The following RPH3AL variants were observed in gnomAD, a reference collection of about 807,000 sequenced individuals.
RPH3AL encodes rabphilin 3A like (without C2 domains), also known as rab effector Noc2.
In RPH3AL, 38 loss-of-function variants were observed where a neutral mutation model predicts 43.1. That is an observed-to-expected ratio of 0.88 (90% CI 0.68 to 1.15). RPH3AL has a LOEUF of 1.15. Ranked by LOEUF, RPH3AL falls within the 50% of genes most tolerant of loss-of-function variation. The pLI, the probability that RPH3AL is intolerant of heterozygous loss-of-function variation, is 0.00. For missense variants in RPH3AL, 462 were observed against 423.2 expected (o/e 1.09, Z -0.81); for synonymous variants, 189 against 176.3 (o/e 1.07, Z -0.57).
intron 6 of RPH3AL, among the ~76,000 whole-genome samples, chr17:281,195 G>T (rs987235716): frequency 2.0e-5 from 3 of 152,142 alleles, no homozygotes; most frequent in African/African-American, 7.2e-5. Context: ...CAGCAGAAGG[G>T]GCGTTGGGTG....
intron 1 of RPH3AL, among the ~76,000 whole-genome samples, chr17:343,618 G>C (rs1453204275): frequency 6.6e-6 from 1 of 152,178 alleles, no homozygotes; most frequent in Non-Finnish European, 1.5e-5. Context: ...GCCTCCTGGG[G>C]CTATTGGGAA....
intron 5 of RPH3AL, among the ~76,000 whole-genome samples, chr17:316,525 T>C (rs2044205953): frequency 6.8e-6 from 1 of 147,892 alleles, no homozygotes; most frequent in African/African-American, 2.5e-5. Context: ...TCCAGTGACC[T>C]GTAGTCCCTG....
rs962725233 is a variant in RPH3AL at position 246,349 on chromosome 17, A to C, written c.613+762T>G. 6.6e-6 allele frequency among the ~76,000 whole-genome samples: 1 copy of C among 152,100 alleles called. No individual in the cohort carries two copies. Among genetic ancestry groups the C allele is most frequent in the Non-Finnish European group, 1.5e-5 (1 of 68,004 alleles). On this transcript the variant is annotated intron_variant, in intron 7 of 9. Transcript: ENST00000331302. This position sits in a 1 kb window ranked among gnomAD's most constrained non-coding sequence, Gnocchi z 4.8. ...TATTTGGCAGAAACGTGAGCACTTCAGAGCAAAAGGACCCAGATGCCAGAG... is the reference window on the plus strand; with the variant it reads ...TATTTGGCAGAAACGTGAGCACTTCCGAGCAAAAGGACCCAGATGCCAGAG...
chr17:341,553 A>C (rs181087190), intron 1 of RPH3AL: 1 of 152,344 alleles, frequency 6.6e-6, no homozygotes, highest in South Asian at 2.1e-4. Flanking sequence ...AATTCGTATA[A>C]GGAATGTCAG....
chr17:296,023 T>G (rs993862231), intron 5 of RPH3AL, among the ~76,000 whole-genome samples: 4 of 134,542 alleles, frequency 3.0e-5, no homozygotes, highest in Non-Finnish European at 6.3e-5. Flanking sequence ...GCAGAGGGAA[T>G]GCACTTCAGT....
At chr17:280,557 C>T (rs756888339) in intron 6 of RPH3AL, among the ~76,000 whole-genome samples, 8 of 152,116 alleles carry the variant, frequency 5.3e-5, no homozygotes, top group Admixed American at 1.3e-4. Context: ...CTAGAAGAGC[C>T]GGGTGGGAAA....
At chr17:247,361 G>T in intron 6 of RPH3AL, 76 bp from the exon 7 acceptor site, 1 of 1,422,804 alleles carries the variant, frequency 7.0e-7, no homozygotes, top group Non-Finnish European at 9.3e-7. Context: ...CCAGATGACG[G>T]GAGGCAGGAC....
rs746010955 is a variant in RPH3AL, at chr17:274,236, C to G, written c.438+7532G>C. ...GAAAAGGCACCGCGAAACCCCAGCC[C>G]GGGGCCTCTGACAGCTCAGCACCAG... On this transcript the variant is annotated intron_variant, in intron 6 of 9. Coordinates refer to ENST00000331302, the MANE Select transcript of RPH3AL (RefSeq NM_006987.4). This position sits in a 1 kb window ranked among gnomAD's most constrained non-coding sequence, Gnocchi z 4.7. Among the ~76,000 whole-genome samples the G allele has an allele frequency of 6.6e-6, 1 of 152,236 alleles. No homozygotes were observed. The highest frequency in any genetic ancestry group is 1.5e-5 in the Non-Finnish European group (1 of 68,036).
chr17:248,674 G>C (rs966247628), intron 6 of RPH3AL, among the ~76,000 whole-genome samples: 2 of 152,134 alleles, frequency 1.3e-5, no homozygotes, highest in Non-Finnish European at 2.9e-5. Context: ...CCCCAGCTTG[G>C]ACACCCAGGC....
intron 5 of RPH3AL, among the ~76,000 whole-genome samples, chr17:282,381 G>C (rs989423300): frequency 1.3e-5 from 2 of 152,244 alleles, no homozygotes; most frequent in Non-Finnish European, 2.9e-5. Context: ...CCACGTTATA[G>C]GTGAGGAACC....
chr17:298,892 G>A (rs759576847), intron 5 of RPH3AL, among the ~76,000 whole-genome samples: 25 of 152,126 alleles, frequency 1.6e-4, no homozygotes, highest in Middle Eastern at 3.4e-3. Context: ...ACGGCAGGTC[G>A]GGGCCGGGGG....
At chr17:319,354 G>A in intron 5 of RPH3AL, 66 bp downstream of exon 5, 2 of 1,565,116 alleles carry the variant, frequency 1.3e-6, no homozygotes, top group South Asian at 1.2e-5. Flanking sequence ...AGGATGCAAA[G>A]CCACAGCGCA....
chr17:270,991 T>C (rs1347445487), intron 6 of RPH3AL, among the ~76,000 whole-genome samples: 1 of 152,252 alleles, frequency 6.6e-6, no homozygotes, highest in Non-Finnish European at 1.5e-5. Context: ...GCTTTCCACG[T>C]ATGGCTAGCC....
chr17:336,311 G>C (rs1252045738), intron 1 of RPH3AL, among the ~76,000 whole-genome samples: 1 of 152,172 alleles, frequency 6.6e-6, no homozygotes, highest in African/African-American at 2.4e-5. Flanking sequence ...GACTCAGAGA[G>C]GGAGCCTCAA....
intron 6 of RPH3AL, among the ~76,000 whole-genome samples, chr17:276,333 G>C (rs973091163): frequency 1.4e-4 from 22 of 152,156 alleles, no homozygotes; most frequent in African/African-American, 5.3e-4. Context: ...TTTCTCAAAG[G>C]TCTGGTTTGT....
At chr17:227,001 G>T (rs2041121677) in intron 7 of RPH3AL, among the ~76,000 whole-genome samples, 1 of 152,238 alleles carries the variant, frequency 6.6e-6, no homozygotes, top group Admixed American at 6.5e-5. Context: ...CCAGGGAGAA[G>T]GCTGTCCCAA....
intron 3 of RPH3AL, 101 bp from the exon 4 acceptor site, chr17:321,516 G>A (rs1436091735): frequency 1.6e-5 from 21 of 1,330,892 alleles, no homozygotes; most frequent in East Asian, 5.4e-5. Flanking sequence ...GTCAGTGGAC[G>A]GCCCAGGTGC....
At chr17:334,797 A>C (rs1344460398) in intron 1 of RPH3AL, among the ~76,000 whole-genome samples, 1 of 77,772 alleles carries the variant, frequency 1.3e-5, no homozygotes, top group African/African-American at 4.1e-5. Flanking sequence ...GGACAAGGAC[A>C]GGGACAAGGC....
chr17:341,590 G>C (rs778437423), intron 1 of RPH3AL, among the ~76,000 whole-genome samples: 1 of 152,128 alleles, frequency 6.6e-6, no homozygotes, highest in Non-Finnish European at 1.5e-5. Flanking sequence ...TTCAGATTTG[G>C]CAGTGATTTC....
Sources: allele counts gnomAD v4.1 joint callset (sites outside exome capture counted in the v4.1 genomes callset), GRCh38; gene constraint gnomAD v4.1.1; non-coding constraint Gnocchi (gnomAD v3.1); transcripts MANE v1.5; gene names NCBI Gene and HGNC (gene_info 2026-07-23, HGNC 2026-07-21).